RABL6: variants seen among roughly 807,000 people sequenced by gnomAD.
RABL6 encodes the protein rab-like protein 6.
RABL6 carries 28 observed loss-of-function variants against 72.9 expected under a neutral mutation model. The ratio of observed to expected loss-of-function variants is 0.38; its 90% CI spans 0.28 to 0.53. RABL6 has a LOEUF of 0.53. Among genes scored for constraint, RABL6 ranks in the 20% least tolerant of loss-of-function variants. The pLI is 0.80. For missense variants in RABL6, 1,029 were observed against 1,008.4 expected (o/e 1.02, Z -0.28); for synonymous variants, 477 against 421.2 (o/e 1.13, Z -1.62).
intron 7 of RABL6, chr9:136,834,171 CCTT>C (rs1481413304): frequency 3.1e-6 from 4 of 1,270,756 alleles, no homozygotes; most frequent in African/African-American, 1.5e-5. Flanking sequence ...AAATTTCAGG[CCTT>C]CTTTATGTCA....
chr9:136,840,599 T>A lies in RABL6; in HGVS notation c.*77T>A. ...TGGGGAGGCATTTGCCTCTGTACCATCGCCTTTGCCGCTGCCCCGTGGCTG... is the reference window on the plus strand; with the variant it reads ...TGGGGAGGCATTTGCCTCTGTACCAACGCCTTTGCCGCTGCCCCGTGGCTG... On this transcript the variant is annotated 3_prime_UTR_variant, in exon 15 of 15. Coordinates refer to ENST00000311502, the MANE Select transcript of RABL6 (RefSeq NM_024718.5). 6.5e-7 allele frequency: 1 copy of A among 1,549,250 alleles called. No individual in the cohort carries two copies.
chr9:136,840,395 G>A lies in RABL6; in HGVS notation c.2063G>A (p.Arg688Gln), dbSNP rs768475224. 91 of 1,551,462 alleles carry A rather than the reference G, an allele frequency of 5.9e-5. No individual in the cohort carries two copies. Among genetic ancestry groups the A allele is most frequent in the Admixed American group, 1.6e-4 (8 of 51,042 alleles). The change falls in exon 15 of 15, where the codon CGG becomes CAG. Residue 688 changes from arginine to glutamine, a missense_variant. This residue lies in a region of RABL6 where 595 missense variants were observed against 472.4 expected (regional missense o/e 1.26). Transcript: ENST00000311502. ...SKDKEEGKEE[R>Q]RRRQQRPPRS... ...GACAAGGAGGAGGGCAAGGAGGAGCGGCGACGGCGGCAGCAGCGGCCCCCG... is the reference window on the plus strand; with the variant it reads ...GACAAGGAGGAGGGCAAGGAGGAGCAGCGACGGCGGCAGCAGCGGCCCCCG...
intron 1 of RABL6, chr9:136,821,465 G>T (rs1299459778): frequency 3.0e-6 from 3 of 985,298 alleles, no homozygotes; most frequent in South Asian, 4.7e-5. Context: ...GCCGCGGGAC[G>T]GACGTGGATG....
chr9:136,811,358 C>T (rs189249420), intron 1 of RABL6, among the ~76,000 whole-genome samples: 4 of 152,160 alleles, frequency 2.6e-5, no homozygotes, highest in African/African-American at 9.6e-5. Context: ...TGGCTCACGC[C>T]TGTAATCTCA....
intron 1 of RABL6, among the ~76,000 whole-genome samples, chr9:136,817,878 A>G (rs1006473580): frequency 2.0e-5 from 3 of 151,502 alleles, no homozygotes; most frequent in East Asian, 1.9e-4. Flanking sequence ...CCTGGCCAAC[A>G]TGGTGAAACG....
intron 1 of RABL6, among the ~76,000 whole-genome samples, chr9:136,820,095 A>G (rs1044242944): frequency 6.8e-6 from 1 of 147,660 alleles, no homozygotes; most frequent in Admixed American, 6.9e-5. Context: ...GCTACTTGGG[A>G]GGCTGAGATG....
Position 136,839,746 on chromosome 9 carries a change from G to A in RABL6, c.1811G>A (p.Gly604Asp). The change falls in exon 13 of 15, where the codon GGC becomes GAC. Residue 604 changes from glycine (G) to aspartate (D), a missense_variant. Physicochemically the swap from Gly to Asp is moderately conservative, Grantham distance 94 (BLOSUM62 -1). Around this residue, in one of 2 missense-constraint regions of RABL6, gnomAD observed 595 missense variants for 472.4 expected, o/e 1.26. Transcript: ENST00000311502. ...DPSDVTDEDE[G>D]PAEPPPPPKL... The stretch of plus-strand genomic sequence containing the variant: ...TCCGATGTGACTGACGAGGATGAGG[G>A]CCCTGCCGAGCCGCCCCCACCCCCC... The A allele has an allele frequency of 6.2e-7, 1 of 1,610,844 alleles. No individual in the cohort carries two copies. Among genetic ancestry groups the A allele is most frequent in the Non-Finnish European group, 8.5e-7 (1 of 1,178,746 alleles).
Position 136,840,369 on chromosome 9 carries a change from G to A in RABL6, c.2037G>A (p.Lys679=), listed in dbSNP as rs749892661. 31 of 1,556,290 alleles carry A rather than the reference G, an allele frequency of 2.0e-5. No individual in the cohort carries two copies. The highest frequency in any genetic ancestry group is 2.7e-5 in the Non-Finnish European group (31 of 1,150,298). Residue 679 remains lysine, a synonymous_variant, in exon 15 of 15, where the codon AAG becomes AAA. Coordinates refer to ENST00000311502, the MANE Select transcript of RABL6 (RefSeq NM_024718.5). The part of the protein sequence containing the change: ...AKKKSKHKKS[K]DKEEGKEERR... ...AGAAGAGCAAACACAAGAAGAGCAA[G>A]GACAAGGAGGAGGGCAAGGAGGAGC...
intron 10 of RABL6, among the ~76,000 whole-genome samples, 158 bp from the exon 11 acceptor site, chr9:136,838,751 G>GTGA (rs771329162): frequency 5.8e-3 from 213 of 36,950 alleles, no homozygotes; most frequent in Non-Finnish European, 8.1e-3. Context: ...CAGAAGCCCT[G>GTGA]TGACCATGAG....
chr9:136,812,619 G>T (rs531484418), intron 1 of RABL6, among the ~76,000 whole-genome samples: 2 of 152,220 alleles, frequency 1.3e-5, no homozygotes, highest in East Asian at 3.9e-4. Context: ...AACAAGGAAG[G>T]TATTACCCTT....
intron 14 of RABL6, 45 bp from the exon 15 acceptor site, chr9:136,840,277 G>A (rs374392685): frequency 7.5e-6 from 12 of 1,610,690 alleles, no homozygotes; most frequent in Non-Finnish European, 9.3e-6. Context: ...GACCAGGGCT[G>A]TGGCTTCCTG....
intron 2 of RABL6, among the ~76,000 whole-genome samples, chr9:136,824,175 A>G (rs1371456431): frequency 3.3e-5 from 5 of 151,992 alleles, no homozygotes; most frequent in African/African-American, 1.2e-4. Context: ...GGGCCTGGGT[A>G]GATGCGGGAA....
At chr9:136,819,090 A>G (rs955028711) in intron 1 of RABL6, among the ~76,000 whole-genome samples, 1 of 152,212 alleles carries the variant, frequency 6.6e-6, no homozygotes, top group Non-Finnish European at 1.5e-5. Flanking sequence ...TGGGAGGCCA[A>G]GGCGAGTGGA....
chr9:136,814,049 C>A, intron 1 of RABL6: 1 of 392,448 alleles, frequency 2.5e-6, no homozygotes, highest in South Asian at 2.2e-5. Context: ...TTGCCAAAGT[C>A]TTTCAAACCA....
Position 136,828,365 on chromosome 9 carries a change from G to T in RABL6, c.314-129G>T, listed in dbSNP as rs939904363. The T allele has an allele frequency of 1.3e-5, 11 of 867,348 alleles. No individual in the cohort carries two copies. The East Asian group carries it at 1.9e-4, about 15-fold the overall frequency. 53.7% of individuals were successfully genotyped at this position (867,348 alleles called of 1,614,324 possible). On this transcript the variant is annotated intron_variant, in intron 3 of 14. Coordinates refer to ENST00000311502, the MANE Select transcript of RABL6 (RefSeq NM_024718.5). ...GAGCTTGTGGGTGCCCACGCTGCAG[G>T]CTGTTTGGGGTGGTGGAGTAGAGCA...
At chr9:136,838,042 C>T (rs1217435720) in intron 10 of RABL6, 27 bp downstream of exon 10, 1 of 1,549,212 alleles carries the variant, frequency 6.5e-7, no homozygotes, top group East Asian at 2.4e-5. Flanking sequence ...GGCCTCCTCT[C>T]CCATTGCCCC....
chr9:136,809,112 A>G (rs1192619782), intron 1 of RABL6: 1 of 152,116 alleles, frequency 6.6e-6, no homozygotes, highest in Admixed American at 6.6e-5. Context: ...CCTCTTAGCC[A>G]TTTCCGTATG....
chr9:136,808,839 CT>C (rs10710086), intron 1 of RABL6: 122,278 of 151,962 alleles, frequency 0.8, 49,226 homozygotes, highest in East Asian at 0.86. Context: ...ACATTCTCGC[CT>C]TTTTTTTTAA....
chr9:136,835,993 A>T, intron 8 of RABL6, 148 bp downstream of exon 8: 1 of 738,516 alleles, frequency 1.4e-6, no homozygotes, highest in East Asian at 2.7e-5. Flanking sequence ...GTGGAGGAGG[A>T]CTCAGGTTTG....
Sources: gnomAD v4.1 joint callset for allele counts (sites outside exome capture counted in the v4.1 genomes callset) on GRCh38, gnomAD v4.1.1 for gene constraint, gnomAD v4.1.1 regional missense constraint, MANE v1.5 for transcripts, NCBI Gene and HGNC (gene_info 2026-07-23, HGNC 2026-07-21) for gene names.